Variants in KCNQ1OT1 observed in about 807,000 individuals in gnomAD.
KCNQ1OT1 encodes the protein KCNQ1 antisense RNA 2 (non-protein coding).
exon 1 of KCNQ1OT1, chr11:2,634,029 C>G (rs906709559): frequency 2.5e-6 from 1 of 398,402 alleles, no homozygotes; most frequent in Non-Finnish European, 4.4e-6. Context: ...GTGCCTCCAG[C>G]TTCATTCTGC....
At chr11:2,660,522 A>G in exon 1 of KCNQ1OT1, 1 of 398,668 alleles carries the variant, frequency 2.5e-6, no homozygotes, top group Non-Finnish European at 4.4e-6. Context: ...AATGTCTGTA[A>G]TGTATAGAAA....
Position 2,673,564 on chromosome 11 carries a change from G to A in KCNQ1OT1, n.26431C>T. ...AGCCTATCCCCTCCCTGGCCATGCA[G>A]GTGGAAGACCCTATTACTTGGGCTA... On this transcript the variant is annotated non_coding_transcript_exon_variant, in exon 1 of 1. Transcript: ENST00000597346. The surrounding 1 kb of genome is among the most constrained non-coding windows in gnomAD (Gnocchi z 4.5). 3 of 398,712 alleles carry A rather than the reference G, an allele frequency of 7.5e-6. No individual in the cohort carries two copies. Among genetic ancestry groups the A allele is most frequent in the South Asian group, 1.3e-4 (1 of 7,858 alleles). The allele number at this position is 398,712 out of a possible 1,614,324, so 24.7% of individuals were successfully genotyped here.
At chr11:2,672,775 C>T (rs1015302103) in exon 1 of KCNQ1OT1, 7 of 398,662 alleles carry the variant, frequency 1.8e-5, no homozygotes, top group East Asian at 7.1e-5. Flanking sequence ...GTCTCCTCCC[C>T]GCAACAGATC....
At chr11:2,665,099 G>C in exon 1 of KCNQ1OT1, 1 of 398,546 alleles carries the variant, frequency 2.5e-6, no homozygotes, top group Non-Finnish European at 4.4e-6. Flanking sequence ...GAGATAAAGA[G>C]TGGCGTCGCT....
At position 2,677,625 on chromosome 11, in the gene KCNQ1OT1, A is replaced by G; in HGVS notation, n.22370T>C. The stretch of plus-strand genomic sequence containing the variant: ...GGATTTGTTTTTTTCTAAAACGTGT[A>G]CATAATTGTAACTCTAACAACTGTT... On this transcript the variant is annotated non_coding_transcript_exon_variant, in exon 1 of 1. Coordinates refer to ENST00000597346, the Ensembl canonical transcript of KCNQ1OT1. This position sits in a 1 kb window ranked among gnomAD's most constrained non-coding sequence, Gnocchi z 4.5. 1 of 398,656 alleles carries G rather than the reference A, an allele frequency of 2.5e-6. No homozygotes were observed. Among genetic ancestry groups the G allele is most frequent in the Non-Finnish European group, 4.4e-6 (1 of 226,066 alleles). 24.7% of individuals were successfully genotyped at this position (398,656 alleles called of 1,614,324 possible).
chr11:2,620,168 A>C lies in KCNQ1OT1; in HGVS notation n.79827T>G, dbSNP rs1849142063. 2 of 394,960 alleles carry C rather than the reference A, an allele frequency of 5.1e-6. No homozygotes were observed. Among genetic ancestry groups the C allele is most frequent in the African/African-American group, 4.1e-5 (2 of 48,270 alleles). The allele number at this position is 394,960 out of a possible 1,614,324, so 24.5% of individuals were successfully genotyped here. On this transcript the variant is annotated non_coding_transcript_exon_variant, in exon 1 of 1. Transcript: ENST00000597346. This position sits in a 1 kb window ranked among gnomAD's most constrained non-coding sequence, Gnocchi z 4.5. ...AAGATAGTGGCCTCTAGCTGCATCC[A>C]TGTTGCTGCAAAGGACGTAAGTTCA... is the stretch of plus-strand genomic sequence containing the variant.
chr11:2,684,441 C>T (rs182620274), exon 1 of KCNQ1OT1: 35 of 398,660 alleles, frequency 8.8e-5, no homozygotes, highest in East Asian at 8.2e-4. Flanking sequence ...CATTTGAAAA[C>T]GTGTTCTTTT....
exon 1 of KCNQ1OT1, chr11:2,635,734 C>G (rs1849454257): frequency 6.6e-6 from 1 of 152,094 alleles, no homozygotes; most frequent in Non-Finnish European, 1.5e-5. Context: ...TCATTGGTAG[C>G]TTGATGGGGA....
rs1002299459 is a variant in KCNQ1OT1, at chr11:2,675,792, G to T, written n.24203C>A. 1.2e-4 allele frequency: 47 copies of T among 398,716 alleles called. No homozygotes were observed. In the Admixed American group the frequency reaches 1.3e-3, roughly 11 times the overall value. 24.7% of individuals were successfully genotyped at this position (398,716 alleles called of 1,614,324 possible). ...GTGTGCGGGGAGCTGCTGCCCGCAG[G>T]GCATACCAGCCACGTGCATGCAGGG... On this transcript the variant is annotated non_coding_transcript_exon_variant, in exon 1 of 1. Coordinates refer to ENST00000597346, the Ensembl canonical transcript of KCNQ1OT1.
At position 2,609,974 on chromosome 11, in the gene KCNQ1OT1, T is replaced by C. The variant is rs1199820051; in HGVS notation, n.90021A>G. 11 of 398,074 alleles carry C rather than the reference T, an allele frequency of 2.8e-5. 1 individual carries two copies. The East Asian group carries it at 3.6e-4, about 13-fold the overall frequency. 24.7% of individuals were successfully genotyped at this position (398,074 alleles called of 1,614,324 possible). ...TTTTCAAATCTGGTCTGATAATTCC[T>C]GCCTTTGATTAGATTGTTTAATCCA... On this transcript the variant is annotated non_coding_transcript_exon_variant, in exon 1 of 1. Transcript: ENST00000597346.
At chr11:2,638,430 A>G (rs1344358148) in exon 1 of KCNQ1OT1, 1 of 152,150 alleles carries the variant, frequency 6.6e-6, no homozygotes, top group African/African-American at 2.4e-5. Flanking sequence ...TCCTTCACTT[A>G]TGAAGCTTAG....
In KCNQ1OT1 at chr11:2,662,944, G is replaced by C. The variant is rs188674372; in HGVS notation, n.37051C>G. ...CTGAGCCATGTGTGTCTTTGTCGTA[G>C]TGAGGCCCTGGGCCTCCTGCCTTTG... On this transcript the variant is annotated non_coding_transcript_exon_variant, in exon 1 of 1. Transcript: ENST00000597346. The C allele has an allele frequency of 1.6e-3, 641 of 398,666 alleles. 3 individuals carry two copies. The highest frequency in any genetic ancestry group is 2.6e-3 in the Admixed American group (60 of 22,744). The allele number at this position is 398,666 out of a possible 1,614,324, so 24.7% of individuals were successfully genotyped here. A position where few individuals can be genotyped will look rare whatever the true frequency, so the allele number is the denominator to read the frequency against.
exon 1 of KCNQ1OT1, chr11:2,684,754 G>A (rs1031101464): frequency 5.0e-6 from 2 of 398,644 alleles, no homozygotes; most frequent in Admixed American, 8.8e-5. Flanking sequence ...GAGAAAAGGG[G>A]TAAGGGAGGA....
chr11:2,646,567 C>T (rs892176128), exon 1 of KCNQ1OT1: 5 of 398,428 alleles, frequency 1.3e-5, no homozygotes, highest in African/African-American at 1.0e-4. Flanking sequence ...ACTCTGTTGC[C>T]CAGGCTGGGG....
At position 2,620,935 on chromosome 11, in the gene KCNQ1OT1, G is replaced by GTTGTT. The variant is rs893304638; in HGVS notation, n.79055_79059dup. On this transcript the variant is annotated non_coding_transcript_exon_variant, in exon 1 of 1. Coordinates refer to ENST00000597346, the Ensembl canonical transcript of KCNQ1OT1. The surrounding 1 kb of genome is among the most constrained non-coding windows in gnomAD (Gnocchi z 4.5). ...TATGGTTTGGTGTTTTTTTGTTGTT[G>GTTGTT]TTGTTTTGTTTTGTTTTTTTTTGTC... 4 of 331,584 alleles carry GTTGTT rather than the reference G, an allele frequency of 1.2e-5. No homozygotes were observed. The allele number at this position is 331,584 out of a possible 1,614,324, so 20.5% of individuals were successfully genotyped here. A position where few individuals can be genotyped will look rare whatever the true frequency, so the allele number is the denominator to read the frequency against.
At position 2,654,454 on chromosome 11, in the gene KCNQ1OT1, C is replaced by T. The variant is rs993769700; in HGVS notation, n.45541G>A. On this transcript the variant is annotated non_coding_transcript_exon_variant, in exon 1 of 1. Coordinates refer to ENST00000597346, the Ensembl canonical transcript of KCNQ1OT1. The surrounding 1 kb of genome is among the most constrained non-coding windows in gnomAD (Gnocchi z 6.4). The stretch of plus-strand genomic sequence containing the variant: ...CAGAAGGCAAGGTTCCCGTGCTGAG[C>T]GCCAGGCACACATAAGCCCTGCAGC... 4.3e-5 allele frequency: 17 copies of T among 398,610 alleles called. No individual in the cohort carries two copies. The highest frequency in any genetic ancestry group is 6.3e-4 in the Middle Eastern group (1 of 1,588). 24.7% of individuals were successfully genotyped at this position (398,610 alleles called of 1,614,324 possible).
exon 1 of KCNQ1OT1, chr11:2,622,846 C>T: frequency 2.5e-6 from 1 of 398,668 alleles, no homozygotes; most frequent in Non-Finnish European, 4.4e-6. Context: ...ACCAGAGTGG[C>T]ACGTTTGTTA....
In KCNQ1OT1 at chr11:2,669,323, C is replaced by A. The variant is rs546651752; in HGVS notation, n.30672G>T. On this transcript the variant is annotated non_coding_transcript_exon_variant, in exon 1 of 1. Coordinates refer to ENST00000597346, the Ensembl canonical transcript of KCNQ1OT1. This position sits in a 1 kb window ranked among gnomAD's most constrained non-coding sequence, Gnocchi z 5.6. ...ATATGCCAGTTGCCATGGAAAGCCT[C>A]CTCTAGGCGCAGCAGCCTCTAGATG... 1 of 398,624 alleles carries A rather than the reference C, an allele frequency of 2.5e-6. No individual in the cohort carries two copies. The highest frequency in any genetic ancestry group is 1.3e-4 in the South Asian group (1 of 7,852). 24.7% of individuals were successfully genotyped at this position (398,624 alleles called of 1,614,324 possible). A position where few individuals can be genotyped will look rare whatever the true frequency, so the allele number is the denominator to read the frequency against.
At position 2,667,152 on chromosome 11, in the gene KCNQ1OT1, G is replaced by A. The variant is rs117155213; in HGVS notation, n.32843C>T. The A allele has an allele frequency of 1.5e-3, 584 of 398,668 alleles. 5 individuals are homozygous for A. In the East Asian group the frequency reaches 0.016, roughly 11 times the overall value. The allele number at this position is 398,668 out of a possible 1,614,324, so 24.7% of individuals were successfully genotyped here. ...AAAGAGATGGGATTGGGAATCAGATGCCCTCAATCTGGCTTCCAGCCTGCC... is the reference window on the plus strand; with the variant it reads ...AAAGAGATGGGATTGGGAATCAGATACCCTCAATCTGGCTTCCAGCCTGCC... On this transcript the variant is annotated non_coding_transcript_exon_variant, in exon 1 of 1. Coordinates refer to ENST00000597346, the Ensembl canonical transcript of KCNQ1OT1.
Sources: gnomAD v4.1 joint callset for allele counts on GRCh38, gnomAD v4.1.1 for gene constraint, Gnocchi (gnomAD v3.1) non-coding constraint, MANE v1.5 for transcripts, NCBI Gene and HGNC (gene_info 2026-07-23, HGNC 2026-07-21) for gene names.